GULP1: variants seen among roughly 807,000 people sequenced by gnomAD.
GULP1 encodes PTB domain-containing engulfment adapter protein 1.
A neutral mutation model predicts 40.9 loss-of-function variants in GULP1; 19 were observed. The ratio of observed to expected loss-of-function variants is 0.46; its 90% CI spans 0.32 to 0.68. The LOEUF (loss-of-function observed/expected upper bound fraction) is 0.68. GULP1 is among the 30% of genes least tolerant of loss of function. The pLI is 0.03. For synonymous variants in GULP1, 119 were observed against 117.6 expected, an observed-to-expected ratio of 1.01 and a Z score of -0.08; for missense variants, 312 against 362.2, an observed-to-expected ratio of 0.86 and a Z score of 1.12.
At chr2:188,385,185 TC>T (rs2049530537) in intron 2 of GULP1, among the ~76,000 whole-genome samples, 1 of 152,174 alleles carries the variant, frequency 6.6e-6, no homozygotes. Context: ...TGCCTGGACA[TC>T]CAGGCATTTC....
At chr2:188,563,484 C>A (rs1327064502) in intron 7 of GULP1, among the ~76,000 whole-genome samples, 1 of 149,574 alleles carries the variant, frequency 6.7e-6, no homozygotes, top group African/African-American at 2.4e-5. Context: ...AAATTACATA[C>A]AAATATTTAA....
chr2:188,525,668 C>T (rs1167753533), intron 5 of GULP1, among the ~76,000 whole-genome samples: 1 of 152,114 alleles, frequency 6.6e-6, no homozygotes, highest in Non-Finnish European at 1.5e-5. Context: ...GGGCAGCATT[C>T]CTGGAACCCA....
At chr2:188,549,351 C>T (rs928478147) in intron 7 of GULP1, among the ~76,000 whole-genome samples, 4 of 151,746 alleles carry the variant, frequency 2.6e-5, no homozygotes, top group Non-Finnish European at 4.4e-5. Context: ...CAACAAGATG[C>T]ATTTCATTGA....
intron 4 of GULP1, among the ~76,000 whole-genome samples, chr2:188,509,185 G>C (rs2064242901): frequency 6.6e-6 from 1 of 152,052 alleles, no homozygotes. Context: ...GCTCTACTCT[G>C]GTGCAGAGCC....
intron 4 of GULP1, among the ~76,000 whole-genome samples, chr2:188,518,871 C>G (rs1327337922): frequency 6.6e-6 from 1 of 152,126 alleles, no homozygotes; most frequent in Non-Finnish European, 1.5e-5. Flanking sequence ...TTATCTCTAT[C>G]TTTCAAAAGA....
At chr2:188,348,162 CTTAA>C (rs749618637) in intron 1 of GULP1, among the ~76,000 whole-genome samples, 1 of 152,064 alleles carries the variant, frequency 6.6e-6, no homozygotes, top group Non-Finnish European at 1.5e-5. Flanking sequence ...TATAATGAGA[CTTAA>C]TTGATATAAT....
chr2:188,453,919 C>T (rs1299457002), intron 2 of GULP1, among the ~76,000 whole-genome samples: 5 of 152,226 alleles, frequency 3.3e-5, no homozygotes, highest in Non-Finnish European at 7.3e-5. Context: ...TTTGGCCTTT[C>T]TTTCTTTCCA....
At chr2:188,363,093 A>T (rs750527276) in intron 1 of GULP1, among the ~76,000 whole-genome samples, 5 of 152,100 alleles carry the variant, frequency 3.3e-5, no homozygotes, top group Admixed American at 1.3e-4. Flanking sequence ...ATGACTACTT[A>T]ATCTTTATTA....
At chr2:188,356,003 C>G (rs1171041932) in intron 1 of GULP1, among the ~76,000 whole-genome samples, 1 of 152,006 alleles carries the variant, frequency 6.6e-6, no homozygotes, top group Non-Finnish European at 1.5e-5. Context: ...AATAAAAACT[C>G]TCAACAAATT....
At chr2:188,404,171 C>T (rs1234771176) in intron 2 of GULP1, among the ~76,000 whole-genome samples, 1 of 152,080 alleles carries the variant, frequency 6.6e-6, no homozygotes, top group Non-Finnish European at 1.5e-5. Flanking sequence ...AAAATTTGAT[C>T]ACTAATGTTT....
At chr2:188,479,196 G>T (rs1440339248) in intron 3 of GULP1, among the ~76,000 whole-genome samples, 1 of 152,020 alleles carries the variant, frequency 6.6e-6, no homozygotes, top group African/African-American at 2.4e-5. Flanking sequence ...CAAACATTTG[G>T]ATGTGGCAGA....
intron 1 of GULP1, among the ~76,000 whole-genome samples, chr2:188,314,720 C>A (rs2038786963): frequency 6.6e-6 from 1 of 152,096 alleles, no homozygotes; most frequent in South Asian, 2.1e-4. Flanking sequence ...GTTTTGTTTT[C>A]TGCAGTTCCA....
chr2:188,451,461 T>G (rs563034624), intron 2 of GULP1, among the ~76,000 whole-genome samples: 20 of 152,354 alleles, frequency 1.3e-4, no homozygotes, highest in African/African-American at 4.6e-4. Context: ...AGACAGGACA[T>G]CTTTGTAACA....
intron 2 of GULP1, among the ~76,000 whole-genome samples, chr2:188,421,905 T>A (rs113304753): frequency 1.4e-3 from 209 of 152,290 alleles, no homozygotes; most frequent in Non-Finnish European, 2.7e-3. Context: ...TGAAAACACC[T>A]TAACCAGTGT....
chr2:188,306,976 G>A (rs558269261), intron 1 of GULP1, among the ~76,000 whole-genome samples: 1 of 152,310 alleles, frequency 6.6e-6, no homozygotes, highest in South Asian at 2.1e-4. Flanking sequence ...ACAGTAGGAT[G>A]TAGGCAGGAG....
chr2:188,479,181 G>T (rs1406340993), intron 3 of GULP1, among the ~76,000 whole-genome samples: 2 of 152,078 alleles, frequency 1.3e-5, no homozygotes, highest in African/African-American at 4.8e-5. Flanking sequence ...GAAGTGAGAG[G>T]TGTTCAAACA....
chr2:188,322,498 C>T (rs960116604), intron 1 of GULP1, among the ~76,000 whole-genome samples: 9 of 152,018 alleles, frequency 5.9e-5, no homozygotes, highest in Non-Finnish European at 1.0e-4. Flanking sequence ...TAGTTTATAA[C>T]GTGGCTGGAT....
intron 1 of GULP1, among the ~76,000 whole-genome samples, chr2:188,306,214 A>T: frequency 6.6e-6 from 1 of 152,184 alleles, no homozygotes; most frequent in Non-Finnish European, 1.5e-5. Context: ...TAAGTATTTG[A>T]TAACATTTTT....
chr2:188,305,609 T>G (rs540907091), intron 1 of GULP1, among the ~76,000 whole-genome samples: 1 of 152,296 alleles, frequency 6.6e-6, no homozygotes, highest in South Asian at 2.1e-4. Flanking sequence ...TAACAAGGAC[T>G]ATGAAAGTTG....
Sources: allele counts gnomAD v4.1 joint callset (sites outside exome capture counted in the v4.1 genomes callset), GRCh38; gene constraint gnomAD v4.1.1; transcripts MANE v1.5; gene names NCBI Gene and HGNC (gene_info 2026-07-23, HGNC 2026-07-21).